The following GNAI3 variants were observed in gnomAD, a reference collection of about 807,000 sequenced individuals.
GNAI3 encodes the protein G protein subunit alpha i3.
GNAI3 carries 12 observed loss-of-function variants against 41.8 expected under a neutral mutation model. The ratio of observed to expected loss-of-function variants is 0.29; its 90% confidence interval spans 0.18 to 0.47. The LOEUF (loss-of-function observed/expected upper bound fraction) is 0.47, where lower values mean the gene tolerates loss of function less well. Among genes scored for constraint, GNAI3 ranks in the 20% least tolerant of loss-of-function variants. The pLI is 1.00. For missense variants in GNAI3, 360 were observed against 429.6 expected, an observed-to-expected ratio of 0.84 and a Z score of 1.43; for synonymous variants, 132 against 146.5, an observed-to-expected ratio of 0.90 and a Z score of 0.71.
intron 1 of GNAI3, among the ~76,000 whole-genome samples, chr1:109,562,266 A>G (rs1648330997): frequency 6.6e-6 from 1 of 152,222 alleles, no homozygotes; most frequent in Non-Finnish European, 1.5e-5. Context: ...TTTACATTTT[A>G]TTAGGTATTA....
At chr1:109,587,621 T>G (rs1045308911) in intron 7 of GNAI3, among the ~76,000 whole-genome samples, 3 of 152,152 alleles carry the variant, frequency 2.0e-5, no homozygotes, top group African/African-American at 7.2e-5. Flanking sequence ...TTACTAGAGT[T>G]TACAGTGGCA....
intron 5 of GNAI3, among the ~76,000 whole-genome samples, chr1:109,584,022 T>C (rs1648962809): frequency 6.6e-6 from 1 of 152,210 alleles, no homozygotes; most frequent in Non-Finnish European, 1.5e-5. Flanking sequence ...CTTTTCCCCT[T>C]CAATATACCA....
intron 1 of GNAI3, 59 bp from the exon 2 acceptor site, chr1:109,573,678 A>T: frequency 7.5e-7 from 1 of 1,336,384 alleles, no homozygotes; most frequent in Non-Finnish European, 1.1e-6. Context: ...ATTCATGTTG[A>T]TATTATACTT....
chr1:109,588,057 C>G (rs1334153712), intron 7 of GNAI3, among the ~76,000 whole-genome samples: 9 of 152,162 alleles, frequency 5.9e-5, no homozygotes, highest in Non-Finnish European at 1.2e-4. Flanking sequence ...GTGATAACAG[C>G]CTAGTCACAG....
intron 1 of GNAI3, among the ~76,000 whole-genome samples, chr1:109,569,930 G>A (rs1244756438): frequency 6.6e-6 from 1 of 152,118 alleles, no homozygotes; most frequent in Non-Finnish European, 1.5e-5. Context: ...TGATGGAAAT[G>A]TGGTTTTCAA....
At chr1:109,550,709 A>G (rs1217985773) in intron 1 of GNAI3, among the ~76,000 whole-genome samples, 3 of 151,898 alleles carry the variant, frequency 2.0e-5, no homozygotes, top group Non-Finnish European at 4.4e-5. Flanking sequence ...AATTTTTTGT[A>G]TTTTTAGTAG....
chr1:109,564,175 G>A (rs183593332), intron 1 of GNAI3, among the ~76,000 whole-genome samples: 2 of 152,164 alleles, frequency 1.3e-5, no homozygotes, highest in South Asian at 2.1e-4. Flanking sequence ...GAATCAGGCC[G>A]CAAGAACTGA....
intron 7 of GNAI3, 77 bp downstream of exon 7, chr1:109,586,959 C>A: frequency 2.1e-6 from 2 of 954,002 alleles, no homozygotes; most frequent in Non-Finnish European, 3.2e-6. Flanking sequence ...CATAAAACTG[C>A]CTTTTTTTTT....
chr1:109,584,847 G>A (rs767292551), intron 5 of GNAI3, among the ~76,000 whole-genome samples: 1 of 152,172 alleles, frequency 6.6e-6, no homozygotes, highest in Non-Finnish European at 1.5e-5. Flanking sequence ...TGAAGTTACT[G>A]GTGTGTCTCC....
chr1:109,575,534 CT>C (rs747890363), intron 3 of GNAI3, among the ~76,000 whole-genome samples: 232 of 52,872 alleles, frequency 4.4e-3, no homozygotes, highest in African/African-American at 0.013. Flanking sequence ...CCTTTCATTT[CT>C]TTTTTTTTTT....
At chr1:109,573,678 ATAT>A (rs1648664211) in intron 1 of GNAI3, 56 bp from the exon 2 acceptor site, 2 of 1,336,266 alleles carry the variant, frequency 1.5e-6, no homozygotes, top group South Asian at 2.3e-5. Context: ...ATTCATGTTG[ATAT>A]TATACTTTTA....
At position 109,582,446 on chromosome 1, in the gene GNAI3, T is replaced by C; in HGVS notation, c.471T>C (p.Asn157=). 1 of 1,607,476 alleles carries C rather than the reference T, an allele frequency of 6.2e-7. No individual in the cohort carries two copies. The highest frequency in any genetic ancestry group is 2.2e-5 in the East Asian group (1 of 44,822). The stretch of plus-strand genomic sequence containing the variant: ...CGTGTCTTTTATTTAGTTATCTAAA[T>C]GATCTGGATAGAATATCCCAGTCTA... The part of the protein sequence containing the change: ...QLNDSASYYL[N]DLDRISQSNY... The change falls in exon 5 of 9, where the codon AAT becomes AAC. Residue 157 remains asparagine, a synonymous_variant. Transcript: ENST00000369851.
chr1:109,581,750 G>A (rs1222054429), intron 4 of GNAI3, among the ~76,000 whole-genome samples: 3 of 151,872 alleles, frequency 2.0e-5, no homozygotes, highest in Non-Finnish European at 4.4e-5. Context: ...TTAGCTGGGC[G>A]TAGTGGCGGG....
At chr1:109,574,256 C>T (rs1476618589) in intron 3 of GNAI3, among the ~76,000 whole-genome samples, 2 of 150,774 alleles carry the variant, frequency 1.3e-5, no homozygotes, top group Admixed American at 6.6e-5. Flanking sequence ...TCTGTGGGTG[C>T]ACGGTAGGTT....
At chr1:109,565,328 C>T (rs1452246941) in intron 1 of GNAI3, among the ~76,000 whole-genome samples, 3 of 151,648 alleles carry the variant, frequency 2.0e-5, no homozygotes, top group African/African-American at 7.3e-5. Flanking sequence ...GTTTTATATA[C>T]CCTTCTAGGT....
chr1:109,578,943 C>G (rs945830041), intron 3 of GNAI3, among the ~76,000 whole-genome samples: 7 of 152,170 alleles, frequency 4.6e-5, no homozygotes, highest in African/African-American at 1.2e-4. Flanking sequence ...CAGAAATGAT[C>G]TTTTCTGGGG....
chr1:109,569,548 A>G (rs1648538189), intron 1 of GNAI3, among the ~76,000 whole-genome samples: 20 of 152,242 alleles, frequency 1.3e-4, no homozygotes. Context: ...TGTTATGAAA[A>G]GGGAGCTTAC....
intron 1 of GNAI3, among the ~76,000 whole-genome samples, chr1:109,559,085 G>A (rs1329408961): frequency 6.6e-6 from 1 of 151,976 alleles, no homozygotes; most frequent in Non-Finnish European, 1.5e-5. Context: ...GGCTGAGGCG[G>A]GAGAATTGCT....
At chr1:109,580,550 A>G (rs556344855) in intron 4 of GNAI3, among the ~76,000 whole-genome samples, 3 of 152,326 alleles carry the variant, frequency 2.0e-5, no homozygotes, top group African/African-American at 7.2e-5. Context: ...CATTGTGTGA[A>G]CATTGTAGAG....
Sources: allele counts gnomAD v4.1 joint callset (sites outside exome capture counted in the v4.1 genomes callset), GRCh38; gene constraint gnomAD v4.1.1; transcripts MANE v1.5; gene names NCBI Gene and HGNC (gene_info 2026-07-23, HGNC 2026-07-21).